ANXA7: variants seen among roughly 807,000 people sequenced by gnomAD.
The protein encoded by ANXA7 is annexin A7.
In ANXA7, 55 loss-of-function variants were observed where a neutral mutation model predicts 64.9. The ratio of observed to expected loss-of-function variants is 0.85; its 90% CI spans 0.68 to 1.06. The LOEUF is 1.06. Among genes scored for constraint, ANXA7 ranks in the 50% least tolerant of loss-of-function variants. The pLI is 0.00. For missense variants in ANXA7, 548 were observed against 582.1 expected (o/e 0.94, Z 0.60); for synonymous variants, 200 against 192.4 (o/e 1.04, Z -0.33).
intron 5 of ANXA7, among the ~76,000 whole-genome samples, chr10:73,393,149 T>C (rs552803881): frequency 9.9e-5 from 15 of 152,242 alleles, no homozygotes; most frequent in African/African-American, 3.6e-4. Flanking sequence ...TTACAAGGGA[T>C]GTGAAGGACC....
At position 73,398,215 on chromosome 10, in the gene ANXA7, G is replaced by T; in HGVS notation, c.225C>A (p.Ala75=). 2 of 1,613,526 alleles carry T rather than the reference G, an allele frequency of 1.2e-6. No homozygotes were observed. The highest frequency in any genetic ancestry group is 1.7e-6 in the Non-Finnish European group (2 of 1,179,702). The change falls in exon 3 of 13, where the codon GCC becomes GCA. Residue 75 remains alanine, a synonymous_variant. Transcript: ENST00000372921. ...AGGATGGAGCTCCCCCTGGCTGTGG[G>T]GCACCAGGATAGCCTCCAGGGGCTG... ...GYPAPGGYPG[A]PQPGGAPSYP...
At chr10:73,378,006 A>T (rs1355948712) in intron 12 of ANXA7, among the ~76,000 whole-genome samples, 5 of 151,466 alleles carry the variant, frequency 3.3e-5, no homozygotes, top group Admixed American at 3.3e-4. Flanking sequence ...GGGCTCAAGC[A>T]ATCCTCCCGC....
Position 73,388,318 on chromosome 10 carries a change from C to T in ANXA7, c.532G>A (p.Gly178Ser), listed in dbSNP as rs1472467369. The T allele has an allele frequency of 6.2e-7, 1 of 1,612,786 alleles. No individual in the cohort carries two copies. The highest frequency in any genetic ancestry group is 1.7e-5 in the Admixed American group (1 of 60,002). The change falls in exon 6 of 13, where the codon GGT becomes AGT. Residue 178 changes from glycine (G) to serine (S), a missense_variant. Coordinates refer to ENST00000372921, the MANE Select transcript of ANXA7 (RefSeq NM_001156.5). ...DAEILRKAMK[G>S]FGTDEQAIVD... ...AAAAATTTGTTTTCCTTACCAAAAC[C>T]CTTCATTGCCTTACGAAGAATTTCT... is the stretch of plus-strand genomic sequence containing the variant.
rs138004602 is a variant in ANXA7, at chr10:73,395,105, G to C, written c.435+1414C>G. On this transcript the variant is annotated intron_variant, in intron 5 of 12. Transcript: ENST00000372921. ...ATGCTTGGGAGGAGTATCATTTACT[G>C]TATCAGCAAAGCAACTTTGTATAAG... is the stretch of plus-strand genomic sequence containing the variant. 3.3e-5 allele frequency among the ~76,000 whole-genome samples: 5 copies of C among 152,304 alleles called. No homozygotes were observed. The East Asian group carries it at 9.6e-4, about 29-fold the overall frequency.
chr10:73,381,533 T>C (rs779144264), intron 9 of ANXA7: 1 of 152,174 alleles, frequency 6.6e-6, no homozygotes, highest in Non-Finnish European at 1.5e-5. Flanking sequence ...AAGGAATACG[T>C]AGAGGCACAT....
At chr10:73,391,603 T>G (rs1297773439) in intron 5 of ANXA7, among the ~76,000 whole-genome samples, 1 of 151,988 alleles carries the variant, frequency 6.6e-6, no homozygotes, top group Non-Finnish European at 1.5e-5. Context: ...AGCAGCAGAG[T>G]GAGGCCCTGA....
In ANXA7 at chr10:73,376,060, G is replaced by C; in HGVS notation, c.*35C>G. 6.7e-7 allele frequency: 1 copy of C among 1,495,022 alleles called. No individual in the cohort carries two copies. The highest frequency in any genetic ancestry group is 8.9e-7 in the Non-Finnish European group (1 of 1,125,440). 92.6% of individuals were successfully genotyped at this position (1,495,022 alleles called of 1,614,324 possible). On this transcript the variant is annotated 3_prime_UTR_variant, in exon 13 of 13. Transcript: ENST00000372921. The stretch of plus-strand genomic sequence containing the variant: ...TGCTCTGAAGGATAAGCTATGAATA[G>C]AAATTTTTTTTCATTAAAAAAAAAA...
At chr10:73,386,841 T>C (rs1275549877) in intron 7 of ANXA7, among the ~76,000 whole-genome samples, 2 of 152,048 alleles carry the variant, frequency 1.3e-5, no homozygotes, top group African/African-American at 4.8e-5. Flanking sequence ...CTAATATAAT[T>C]TGTTGTCATC....
chr10:73,381,971 C>A (rs930361773), intron 9 of ANXA7, among the ~76,000 whole-genome samples: 4 of 151,904 alleles, frequency 2.6e-5, no homozygotes, highest in African/African-American at 9.7e-5. Context: ...CTCTGCCTCC[C>A]GGGTTCAAGC....
In ANXA7 at chr10:73,388,377, C is replaced by T. The variant is rs757858031; in HGVS notation, c.473G>A (p.Arg158Gln). The change falls in exon 6 of 13, where the codon CGA (arginine) becomes CAA (glutamine). Residue 158 changes from arginine (R) to glutamine (Q), a missense_variant. Arg to Gln is a conservative substitution (Grantham distance 43). Transcript: ENST00000372921. ...TATAGCATCGAAGTTGGCAGCTGGTCGGATAGTTCCTTGAGTGACCTGAGT... is the reference window on the plus strand; with the variant it reads ...TATAGCATCGAAGTTGGCAGCTGGTTGGATAGTTCCTTGAGTGACCTGAGT... Reference protein sequence around the residue: ...TVTQVTQGTIRPAANFDAIRD... With the variant: ...TVTQVTQGTIQPAANFDAIRD... 11 of 1,613,770 alleles carry T rather than the reference C, an allele frequency of 6.8e-6. No homozygotes were observed. Among genetic ancestry groups the T allele is most frequent in the South Asian group, 2.2e-5 (2 of 91,040 alleles).
Position 73,378,953 on chromosome 10 carries a change from T to C in ANXA7, c.1236A>G (p.Thr412=). ...CAATCCGGACCAGGGTGGAGTCATC[T>C]GTGCCAGCACCTTTCATAGCATAGT... is the stretch of plus-strand genomic sequence containing the variant. ...RLYYAMKGAG[T]DDSTLVRIVV... The change falls in exon 12 of 13, where the codon ACA becomes ACG. Residue 412 remains threonine, a synonymous_variant. Transcript: ENST00000372921. 1 of 1,613,780 alleles carries C rather than the reference T, an allele frequency of 6.2e-7. No individual in the cohort carries two copies. Among genetic ancestry groups the C allele is most frequent in the Non-Finnish European group, 8.5e-7 (1 of 1,179,830 alleles).
intron 1 of ANXA7, among the ~76,000 whole-genome samples, chr10:73,403,061 G>A (rs2055696684): frequency 6.6e-6 from 1 of 152,178 alleles, no homozygotes; most frequent in Non-Finnish European, 1.5e-5. Context: ...CTGACCTGGT[G>A]ATCCACCCAC....
chr10:73,399,302 G>C (rs1302640652), intron 2 of ANXA7, among the ~76,000 whole-genome samples: 1 of 152,114 alleles, frequency 6.6e-6, no homozygotes, highest in African/African-American at 2.4e-5. Flanking sequence ...CTGAGATTTG[G>C]GAGTTGTCTG....
intron 7 of ANXA7, among the ~76,000 whole-genome samples, chr10:73,385,623 G>A (rs984266309): frequency 3.9e-5 from 6 of 152,030 alleles, no homozygotes; most frequent in South Asian, 4.1e-4. Flanking sequence ...CTAGTGGTAC[G>A]GAAATTAGAT....
At chr10:73,389,252 A>G (rs972210495) in intron 5 of ANXA7, among the ~76,000 whole-genome samples, 5 of 152,202 alleles carry the variant, frequency 3.3e-5, no homozygotes, top group Admixed American at 6.6e-5. Context: ...AAAATAACTG[A>G]CAGTGTTCTT....
chr10:73,409,913 G>C (rs946905340), intron 1 of ANXA7, among the ~76,000 whole-genome samples: 1 of 152,110 alleles, frequency 6.6e-6, no homozygotes, highest in Non-Finnish European at 1.5e-5. Flanking sequence ...AAAAATTGGG[G>C]AATGGACATC....
chr10:73,397,398 T>TTTA, intron 3 of ANXA7, 124 bp from the exon 4 acceptor site: 1 of 439,304 alleles, frequency 2.3e-6, no homozygotes, highest in Non-Finnish European at 4.0e-6. Context: ...GCAGTCCCTG[T>TTTA]TTATCTAGAT....
intron 4 of ANXA7, 40 bp from the exon 5 acceptor site, chr10:73,396,623 T>G: frequency 7.5e-7 from 1 of 1,339,486 alleles, no homozygotes; most frequent in Non-Finnish European, 1.0e-6. Flanking sequence ...CGGCAACAGG[T>G]CTTACATGTT....
chr10:73,410,781 CAAAAAAAA>C (rs536548150), intron 1 of ANXA7, among the ~76,000 whole-genome samples: 2 of 59,416 alleles, frequency 3.4e-5, no homozygotes, highest in Non-Finnish European at 8.1e-5. Flanking sequence ...GACTCCATCT[CAAAAAAAA>C]AAAAAAAAAA....
Sources: allele counts gnomAD v4.1 joint callset (sites outside exome capture counted in the v4.1 genomes callset), GRCh38; gene constraint gnomAD v4.1.1; transcripts MANE v1.5; gene names NCBI Gene and HGNC (gene_info 2026-07-23, HGNC 2026-07-21).